Variants in CYP17A1 observed in about 807,000 individuals in gnomAD.
CYP17A1 encodes steroid 17-alpha-hydroxylase/17,20 lyase.
Under a neutral mutation model 38.5 loss-of-function variants are expected in CYP17A1, and 27 were observed. The observed-to-expected ratio is 0.70, with a 90% confidence interval of 0.52 to 0.97. The LOEUF is 0.97. CYP17A1 is among the 50% of genes least tolerant of loss of function. CYP17A1 has a pLI of 0.00. For missense variants in CYP17A1, 549 were observed against 645.9 expected (o/e 0.85, Z 1.63); for synonymous variants, 263 against 253.3 (o/e 1.04, Z -0.36).
Position 102,837,181 on chromosome 10 carries a change from C to T in CYP17A1, c.181G>A (p.Gly61Ser). The T allele has an allele frequency of 6.2e-7, 1 of 1,600,642 alleles. No individual in the cohort carries two copies. The highest frequency in any genetic ancestry group is 1.1e-5 in the South Asian group (1 of 90,836). ...NNFFKLQKKY[G>S]PIYSVRMGTK... ...CCCATACGAACCGAATAGATGGGGC[C>T]ATATTTTTTCTGCAGCTTGAAGAAG... The change falls in exon 1 of 8, where the codon GGC becomes AGC. Residue 61 changes from glycine (G) to serine (S), a missense_variant. Around this residue, in one of 3 missense-constraint regions of CYP17A1, gnomAD observed 289 missense variants for 320.9 expected, o/e 0.90. Transcript: ENST00000369887.
At chr10:102,831,049 C>T in intron 7 of CYP17A1, 64 bp from the exon 8 acceptor site, 2 of 1,145,036 alleles carry the variant, frequency 1.7e-6, no homozygotes, top group Non-Finnish European at 2.6e-6. Flanking sequence ...ATGGTTCTGC[C>T]CTGGTTGAGG....
chr10:102,836,904 T>G (rs1255846484), intron 1 of CYP17A1, 161 bp downstream of exon 1: 151 of 679,306 alleles, frequency 2.2e-4, no homozygotes, highest in East Asian at 5.2e-5. Flanking sequence ...AGAGGCTGGG[T>G]GGGGGTCTGA....
chr10:102,832,227 C>T lies in CYP17A1; in HGVS notation c.1139+284G>A, dbSNP rs540989071. 4.6e-5 allele frequency among the ~76,000 whole-genome samples: 7 copies of T among 152,190 alleles called. No individual in the cohort carries two copies. In the South Asian group the frequency reaches 8.3e-4, roughly 18 times the overall value. Reference sequence around the variant, plus strand: ...TAGCTGGGACTACAGGCACGCGCCACGATGCATGGCTAATTTTTGTATTTT... The same window carrying T: ...TAGCTGGGACTACAGGCACGCGCCATGATGCATGGCTAATTTTTGTATTTT... On this transcript the variant is annotated intron_variant, in intron 6 of 7. Transcript: ENST00000369887.
In CYP17A1 at chr10:102,830,633, G is replaced by T. The variant is rs975438255; in HGVS notation, c.*69C>A. 2 of 856,924 alleles carry T rather than the reference G, an allele frequency of 2.3e-6. No individual in the cohort carries two copies. Among genetic ancestry groups the T allele is most frequent in the Non-Finnish European group, 3.9e-6 (2 of 514,914 alleles). 53.1% of individuals were successfully genotyped at this position (856,924 alleles called of 1,614,324 possible). ...GTAGGGAAGAATGGCGGAGAAGGGTGGGGGGTTGTATCTCTAAATCTGTGT... is the reference window on the plus strand; with the variant it reads ...GTAGGGAAGAATGGCGGAGAAGGGTTGGGGGTTGTATCTCTAAATCTGTGT... On this transcript the variant is annotated 3_prime_UTR_variant, in exon 8 of 8. Coordinates refer to ENST00000369887, the MANE Select transcript of CYP17A1 (RefSeq NM_000102.4). This position sits in a 1 kb window ranked among gnomAD's most constrained non-coding sequence, Gnocchi z 4.1.
intron 3 of CYP17A1, 180 bp downstream of exon 3, chr10:102,834,605 C>T (rs530003093): frequency 5.0e-6 from 4 of 795,544 alleles, no homozygotes; most frequent in African/African-American, 3.4e-5. Flanking sequence ...AATTAAAAGG[C>T]TAAATCTATC....
In CYP17A1 at chr10:102,833,212, G is replaced by C. The variant is rs1157450317; in HGVS notation, c.754-4C>G. 6.2e-7 allele frequency: 1 copy of C among 1,614,004 alleles called. No homozygotes were observed. Among genetic ancestry groups the C allele is most frequent in the Admixed American group, 1.7e-5 (1 of 59,982 alleles). On this transcript the variant is annotated splice_region_variant and splice_polypyrimidine_tract_variant and intron_variant, in intron 4 of 7. Transcript: ENST00000369887. ...TAGAGTCACTCCGGAATTTCTCCTG[G>C]GTTGGGTGAGGTTGGGAGACATTAA...
At position 102,832,688 on chromosome 10, in the gene CYP17A1, C is replaced by T. The variant is rs535051777; in HGVS notation, c.970-8G>A. 3 of 1,583,794 alleles carry T rather than the reference C, an allele frequency of 1.9e-6. No homozygotes were observed. The highest frequency in any genetic ancestry group is 1.7e-6 in the Non-Finnish European group (2 of 1,152,326). On this transcript the variant is annotated splice_region_variant and splice_polypyrimidine_tract_variant and intron_variant, in intron 5 of 7. Transcript: ENST00000369887. ...GTAGAGCTTCTTCTTCACCTGAAGA[C>T]CAGAGTAGGTTGGAGGTGACTAGTG...
chr10:102,834,882 T>C lies in CYP17A1; in HGVS notation c.569A>G (p.Asn190Ser). 1 of 1,614,048 alleles carries C rather than the reference T, an allele frequency of 6.2e-7. No individual in the cohort carries two copies. Among genetic ancestry groups the C allele is most frequent in the Non-Finnish European group, 8.5e-7 (1 of 1,179,992 alleles). The change falls in exon 3 of 8, where the codon AAT (asparagine) becomes AGT (serine). Residue 190 changes from asparagine to serine, a missense_variant. This residue lies in a region of CYP17A1 where 289 missense variants were observed against 320.9 expected (regional missense o/e 0.90). Transcript: ENST00000369887. ...TATGACATTCAACTCAGGGTCCCCATTCTTGTAGGAGGTATTGAAGCAGAT... is the reference window on the plus strand; with the variant it reads ...TATGACATTCAACTCAGGGTCCCCACTCTTGTAGGAGGTATTGAAGCAGAT... ...SLICFNTSYKNGDPELNVIQN... is the reference protein window; with the variant it reads ...SLICFNTSYKSGDPELNVIQN...
intron 6 of CYP17A1, 81 bp downstream of exon 6, chr10:102,832,429 CG>C (rs1844102817): frequency 1.1e-6 from 1 of 931,586 alleles, no homozygotes; most frequent in Non-Finnish European, 1.8e-6. Flanking sequence ...CAGCAGGGGC[CG>C]GGGGTAGGGG....
chr10:102,834,924 G>T lies in CYP17A1; in HGVS notation c.527C>A (p.Thr176Asn), dbSNP rs1844140050. The stretch of plus-strand genomic sequence containing the variant: ...GAAGCAGATCAAGGAGATGACATTG[G>T]TTACCGCCACGAAGACAGGAAAGGA... ...DISFPVFVAV[T>N]NVISLICFNT... Residue 176 changes from threonine (T) to asparagine (N), a missense_variant, in exon 3 of 8, where the codon ACC (threonine) becomes AAC (asparagine). Coordinates refer to ENST00000369887, the MANE Select transcript of CYP17A1 (RefSeq NM_000102.4). The T allele has an allele frequency of 6.2e-7, 1 of 1,613,644 alleles. No individual in the cohort carries two copies. Among genetic ancestry groups the T allele is most frequent in the South Asian group, 1.1e-5 (1 of 91,084 alleles).
At position 102,831,802 on chromosome 10, in the gene CYP17A1, C is replaced by T. The variant is rs568728450; in HGVS notation, c.1140-191G>A. ...CCCTTCTCCATCCCTTCCCTCCTAACAGGCGCTTCTGTCTGAACACCTGTG... is the reference window on the plus strand; with the variant it reads ...CCCTTCTCCATCCCTTCCCTCCTAATAGGCGCTTCTGTCTGAACACCTGTG... On this transcript the variant is annotated intron_variant, in intron 6 of 7. Transcript: ENST00000369887. The T allele has an allele frequency of 4.1e-5, 42 of 1,029,234 alleles. No individual in the cohort carries two copies. In the South Asian group the frequency reaches 5.5e-4, roughly 13 times the overall value. 63.8% of individuals were successfully genotyped at this position (1,029,234 alleles called of 1,614,324 possible).
intron 1 of CYP17A1, among the ~76,000 whole-genome samples, chr10:102,836,416 A>G (rs1008485209): frequency 1.4e-5 from 2 of 140,714 alleles, no homozygotes; most frequent in Non-Finnish European, 3.0e-5. Flanking sequence ...GAGATTGGCC[A>G]CTGCACTCCA....
At chr10:102,835,726 A>G (rs1294510281) in intron 1 of CYP17A1, 28 of 388,080 alleles carry the variant, frequency 7.2e-5, no homozygotes, top group South Asian at 5.4e-4. Flanking sequence ...CAGGAAGGCA[A>G]CTCTGGATGG....
intron 7 of CYP17A1, among the ~76,000 whole-genome samples, chr10:102,831,232 A>G (rs1418692270): frequency 6.6e-6 from 1 of 152,234 alleles, no homozygotes; most frequent in Non-Finnish European, 1.5e-5. Flanking sequence ...TGAAAATAGC[A>G]CCATCCGAGG....
rs1564777724 is a variant in CYP17A1, at chr10:102,831,503, C to T, written c.1243+5G>A. The T allele has an allele frequency of 6.2e-7, 1 of 1,613,874 alleles. No homozygotes were observed. Among genetic ancestry groups the T allele is most frequent in the Non-Finnish European group, 8.5e-7 (1 of 1,180,024 alleles). ...GGCCCAGGGCGCAGGACAGGACAGA[C>T]TCACCAGGCATGAACTGATCCGGCT... On this transcript the variant is annotated splice_donor_5th_base_variant and intron_variant, in intron 7 of 7. Coordinates refer to ENST00000369887, the MANE Select transcript of CYP17A1 (RefSeq NM_000102.4).
Position 102,834,035 on chromosome 10 carries a change from C to T in CYP17A1, c.753+1G>A, listed in dbSNP as rs1844126291. ...ATATTCTCTTCTGCTCTATCACCTACCTTGTAATTTTCAAGTATTTTATTC... is the reference window on the plus strand; with the variant it reads ...ATATTCTCTTCTGCTCTATCACCTATCTTGTAATTTTCAAGTATTTTATTC... On this transcript the variant is annotated splice_donor_variant, in intron 4 of 7. Coordinates refer to ENST00000369887, the MANE Select transcript of CYP17A1 (RefSeq NM_000102.4). LOFTEE classifies it high-confidence loss of function. 3 of 1,065,504 alleles carry T rather than the reference C, an allele frequency of 2.8e-6. No individual in the cohort carries two copies. Among genetic ancestry groups the T allele is most frequent in the Non-Finnish European group, 4.4e-6 (3 of 678,110 alleles). 66.0% of individuals were successfully genotyped at this position (1,065,504 alleles called of 1,614,324 possible).
In CYP17A1 at chr10:102,830,852, C is replaced by G. The variant is rs1844077882; in HGVS notation, c.1377G>C (p.Leu459=). 1 of 1,595,348 alleles carries G rather than the reference C, an allele frequency of 6.3e-7. No homozygotes were observed. The highest frequency in any genetic ancestry group is 8.6e-7 in the Non-Finnish European group (1 of 1,169,080). ...GCACCTCCAGGTCGAACCTCTGCAG[C>G]AGCCAGGCCATGATGAGGAAGAGCT... ...RQELFLIMAW[L]LQRFDLEVPD... Residue 459 remains leucine (L), a synonymous_variant, in exon 8 of 8, where the codon CTG becomes CTC. Transcript: ENST00000369887. The surrounding 1 kb of genome is among the most constrained non-coding windows in gnomAD (Gnocchi z 4.1).
At chr10:102,836,844 C>T in intron 1 of CYP17A1, 1 of 586,872 alleles carries the variant, frequency 1.7e-6, no homozygotes, top group Non-Finnish European at 3.1e-6. Context: ...ATCCCACCTC[C>T]TGGGCAGCCT....
intron 1 of CYP17A1, among the ~76,000 whole-genome samples, chr10:102,836,244 G>C (rs1844159878): frequency 6.6e-6 from 1 of 151,966 alleles, no homozygotes; most frequent in Non-Finnish European, 1.5e-5. Context: ...GGATCACGAG[G>C]TCAGGAGATC....
Sources: allele counts gnomAD v4.1 joint callset (sites outside exome capture counted in the v4.1 genomes callset), GRCh38; gene constraint gnomAD v4.1.1; regional missense constraint gnomAD v4.1.1; non-coding constraint Gnocchi (gnomAD v3.1); transcripts MANE v1.5; gene names NCBI Gene and HGNC (gene_info 2026-07-23, HGNC 2026-07-21).